SIRT3: variants seen among roughly 807,000 people sequenced by gnomAD.
The protein encoded by SIRT3 is NAD-dependent protein deacetylase sirtuin-3, mitochondrial.
Under a neutral mutation model 33.5 loss-of-function variants are expected in SIRT3, and 26 were observed. The ratio of observed to expected loss-of-function variants is 0.78; its 90% CI spans 0.57 to 1.08. SIRT3 has a LOEUF of 1.08. Ranked by LOEUF, SIRT3 falls within the 50% of genes least tolerant of loss-of-function variation. SIRT3 has a pLI of 0.00. For missense variants in SIRT3, 585 were observed against 530.1 expected (o/e 1.10, Z -1.02); for synonymous variants, 237 against 222.1 (o/e 1.07, Z -0.60).
Position 223,641 on chromosome 11 carries a change from A to T in SIRT3, c.969+437T>A. 2.3e-6 allele frequency: 1 copy of T among 431,776 alleles called. No homozygotes were observed. The highest frequency in any genetic ancestry group is 4.3e-6 in the Non-Finnish European group (1 of 233,242). The allele number at this position is 431,776 out of a possible 1,614,324, so 26.7% of individuals were successfully genotyped here. The stretch of plus-strand genomic sequence containing the variant: ...ACCCCCATCCTTCTCCCTTCTCCTC[A>T]CACGTGGTGCCCCACCCACACCTAT... On this transcript the variant is annotated intron_variant, in intron 5 of 6. Coordinates refer to ENST00000382743, the MANE Select transcript of SIRT3 (RefSeq NM_012239.6). This position sits in a 1 kb window ranked among gnomAD's most constrained non-coding sequence, Gnocchi z 4.8.
At chr11:230,802 C>T (rs1251534251) in intron 3 of SIRT3, 9 of 333,132 alleles carry the variant, frequency 2.7e-5, no homozygotes, top group East Asian at 4.6e-5. Flanking sequence ...AAACTCAGTA[C>T]GAAAAACCAT....
intron 2 of SIRT3, 53 bp downstream of exon 2, chr11:233,290 G>C: frequency 6.2e-7 from 1 of 1,601,042 alleles, no homozygotes; most frequent in South Asian, 1.1e-5. Context: ...CAGTGGGGAG[G>C]GCAGGAGTCA....
intron 4 of SIRT3, among the ~76,000 whole-genome samples, chr11:224,603 G>A (rs904687498): frequency 2.0e-5 from 3 of 152,196 alleles, no homozygotes; most frequent in South Asian, 4.1e-4. Flanking sequence ...TCCTCAAACA[G>A]TAGTCTGCAG....
At position 223,626 on chromosome 11, in the gene SIRT3, T is replaced by A; in HGVS notation, c.969+452A>T. 13 of 317,920 alleles carry A rather than the reference T, an allele frequency of 4.1e-5. No individual in the cohort carries two copies. The highest frequency in any genetic ancestry group is 2.5e-4 in the East Asian group (3 of 11,820). 19.7% of individuals were successfully genotyped at this position (317,920 alleles called of 1,614,324 possible). A position where few individuals can be genotyped will look rare whatever the true frequency, so the allele number is the denominator to read the frequency against. On this transcript the variant is annotated intron_variant, in intron 5 of 6. Coordinates refer to ENST00000382743, the MANE Select transcript of SIRT3 (RefSeq NM_012239.6). The surrounding 1 kb of genome is among the most constrained non-coding windows in gnomAD (Gnocchi z 4.8). ...CCACCTCGCCCCCACACCCCCATCC[T>A]TCTCCCTTCTCCTCACACGTGGTGC...
intron 6 of SIRT3, among the ~76,000 whole-genome samples, chr11:217,237 G>C (rs1855781312): frequency 6.6e-6 from 1 of 152,152 alleles, no homozygotes; most frequent in Non-Finnish European, 1.5e-5. Context: ...ATCACCCGAG[G>C]TCAGGAGTTT....
At chr11:219,599 T>C (rs1178768339) in intron 5 of SIRT3, among the ~76,000 whole-genome samples, 1 of 122,930 alleles carries the variant, frequency 8.1e-6, no homozygotes, top group Non-Finnish European at 1.7e-5. Flanking sequence ...CTCTCAAAGC[T>C]TCTTTTAAGA....
intron 6 of SIRT3, 74 bp downstream of exon 6, chr11:218,758 C>T (rs773968704): frequency 2.4e-5 from 38 of 1,606,430 alleles, no homozygotes; most frequent in Admixed American, 2.2e-4. Context: ...CAACGGGGCT[C>T]CATATCAGGT....
At position 226,753 on chromosome 11, in the gene SIRT3, TA is replaced by T. The variant is rs762670262; in HGVS notation, c.808-2515del. ...CTTAAGGAAGGCCTACAATTATTAT[TA>T]TTATTTTTTTTTTTTTGAGATGGAG... On this transcript the variant is annotated intron_variant, in intron 4 of 6. Transcript: ENST00000382743. Among the ~76,000 whole-genome samples, 45 of 76,870 alleles carry T rather than the reference TA, an allele frequency of 5.9e-4. 2 individuals carry two copies. The highest frequency in any genetic ancestry group is 8.6e-4 in the South Asian group (2 of 2,328). 50.4% of individuals were successfully genotyped at this position (76,870 alleles called of 152,430 possible).
chr11:234,251 G>C (rs1281946395), intron 1 of SIRT3, among the ~76,000 whole-genome samples: 1 of 152,154 alleles, frequency 6.6e-6, no homozygotes, highest in Non-Finnish European at 1.5e-5. Context: ...GGCAGGCATG[G>C]GTGCAACCTG....
At chr11:222,068 G>C (rs1400032464) in intron 5 of SIRT3, among the ~76,000 whole-genome samples, 1 of 152,110 alleles carries the variant, frequency 6.6e-6, no homozygotes, top group Non-Finnish European at 1.5e-5. Flanking sequence ...AATAAAGATG[G>C]CTGGTGGCCC....
At position 233,024 on chromosome 11, in the gene SIRT3, A is replaced by C; in HGVS notation, c.665T>G (p.Leu222Arg). The change falls in exon 3 of 7, where the codon CTT (leucine) becomes CGT (arginine). Residue 222 changes from leucine to arginine, a missense_variant. Coordinates refer to ENST00000382743, the MANE Select transcript of SIRT3 (RefSeq NM_012239.6). ...FLRLLHDKGL[L>R]LRLYTQNIDG... Reference sequence around the variant, plus strand: ...GATGTTCTGCGTGTAGAGCCGCAGAAGCAGCCCCTTGTCATGAAGCAGCCG... The same window carrying C: ...GATGTTCTGCGTGTAGAGCCGCAGACGCAGCCCCTTGTCATGAAGCAGCCG... The C allele has an allele frequency of 6.2e-7, 1 of 1,613,982 alleles. No homozygotes were observed. Among genetic ancestry groups the C allele is most frequent in the East Asian group, 2.2e-5 (1 of 44,874 alleles).
intron 1 of SIRT3, among the ~76,000 whole-genome samples, chr11:235,204 C>CT (rs11320697): frequency 1.9e-4 from 29 of 150,844 alleles, no homozygotes; most frequent in Non-Finnish European, 3.8e-4. Flanking sequence ...AAACTTTTTT[C>CT]TTTTTTTTTT....
intron 1 of SIRT3, chr11:233,809 C>G (rs927443395): frequency 2.9e-6 from 1 of 339,962 alleles, no homozygotes; most frequent in Admixed American, 4.5e-5. Flanking sequence ...AGTAGGCACT[C>G]AACTCTGACT....
At chr11:236,477 G>C (rs1269576365), upstream of SIRT3, 1 of 339,754 alleles carries the variant, frequency 2.9e-6, no homozygotes, top group Non-Finnish European at 4.0e-6. Context: ...TCCGCGCCCC[G>C]CCCCCGCCTC....
intron 3 of SIRT3, 147 bp from the exon 4 acceptor site, chr11:230,699 C>G (rs991738120): frequency 7.1e-6 from 3 of 422,718 alleles, no homozygotes; most frequent in Non-Finnish European, 4.2e-6. Flanking sequence ...TTTTCATGCC[C>G]GTATCACCTA....
In SIRT3 at chr11:236,305, G is replaced by T. The variant is rs769185963; in HGVS notation, c.24C>A (p.Ala8=). 2 of 1,522,110 alleles carry T rather than the reference G, an allele frequency of 1.3e-6. No homozygotes were observed. Among genetic ancestry groups the T allele is most frequent in the Non-Finnish European group, 8.8e-7 (1 of 1,142,106 alleles). The allele number at this position is 1,522,110 out of a possible 1,614,324, so 94.3% of individuals were successfully genotyped here. A position where few individuals can be genotyped will look rare whatever the true frequency, so the allele number is the denominator to read the frequency against. ...GGCCCCACAGCCGGAGGGCTGCCGC[G>T]GCGCGCCAACCCCAGAACGCCATGT... is the stretch of plus-strand genomic sequence containing the variant. MAFWGWR[A]AAALRLWGRV... is the part of the protein sequence containing the mutation. Residue 8 remains alanine, a synonymous_variant, in exon 1 of 7, where the codon GCC becomes GCA. Coordinates refer to ENST00000382743, the MANE Select transcript of SIRT3 (RefSeq NM_012239.6).
rs199731840 is a variant in SIRT3, at chr11:230,559, T to C, written c.707-7A>G. The C allele has an allele frequency of 6.7e-7, 1 of 1,502,452 alleles. No individual in the cohort carries two copies. The allele number at this position is 1,502,452 out of a possible 1,614,324, so 93.1% of individuals were successfully genotyped here. ...GAGGCAGGGATGCCCGACACTGAAA[T>C]TCAAGCCAAAGCGAAGTGTTGCTGC... is the stretch of plus-strand genomic sequence containing the variant. On this transcript the variant is annotated splice_region_variant and splice_polypyrimidine_tract_variant and intron_variant, in intron 3 of 6. Coordinates refer to ENST00000382743, the MANE Select transcript of SIRT3 (RefSeq NM_012239.6).
In SIRT3 at chr11:219,044, G is replaced by C. The variant is rs755154189; in HGVS notation, c.970-3C>G. 7 of 1,609,642 alleles carry C rather than the reference G, an allele frequency of 4.3e-6. No individual in the cohort carries two copies. In the Admixed American group the frequency reaches 1.2e-4, roughly 27 times the overall value. The stretch of plus-strand genomic sequence containing the variant: ...GTCAAGCTGGCAAAAGGCTCCACCT[G>C]AAAAATGGGCCAAACGTGAGGGGCA... On this transcript the variant is annotated splice_polypyrimidine_tract_variant and splice_region_variant and intron_variant, in intron 5 of 6. Transcript: ENST00000382743.
At chr11:236,355 G>C, upstream of SIRT3, 1 of 1,176,472 alleles carries the variant, frequency 8.5e-7, no homozygotes. Context: ...GGAGTCCTCC[G>C]GACTCGCCCC....
Sources: gnomAD v4.1 joint callset for allele counts (sites outside exome capture counted in the v4.1 genomes callset) on GRCh38, gnomAD v4.1.1 for gene constraint, Gnocchi (gnomAD v3.1) non-coding constraint, MANE v1.5 for transcripts, NCBI Gene and HGNC (gene_info 2026-07-23, HGNC 2026-07-21) for gene names.